The following COL13A1 variants were observed in gnomAD, a reference collection of about 807,000 sequenced individuals.
COL13A1 encodes collagen alpha-1(XIII) chain.
Under a neutral mutation model 130.9 loss-of-function variants are expected in COL13A1, and 89 were observed. The ratio of observed to expected loss-of-function variants is 0.68; its 90% CI spans 0.57 to 0.81. COL13A1 has a LOEUF of 0.81. COL13A1 is among the 30% of genes least tolerant of loss of function. The pLI, the probability that COL13A1 is intolerant of heterozygous loss-of-function variation, is 0.00. For missense variants in COL13A1, 879 were observed against 934.6 expected (o/e 0.94, Z 0.78); for synonymous variants, 402 against 341.6 (o/e 1.18, Z -1.95).
intron 2 of COL13A1, among the ~76,000 whole-genome samples, chr10:69,849,506 A>T (rs1854127141): frequency 6.6e-6 from 1 of 151,802 alleles, no homozygotes; most frequent in Non-Finnish European, 1.5e-5. Flanking sequence ...TTTTATTTTT[A>T]TTTATTTTTA....
At chr10:69,908,688 C>T (rs756901389) in intron 17 of COL13A1, among the ~76,000 whole-genome samples, 2 of 152,162 alleles carry the variant, frequency 1.3e-5, no homozygotes, top group Non-Finnish European at 2.9e-5. Flanking sequence ...CAATCCTAGA[C>T]TCAGATTGTA....
intron 10 of COL13A1, among the ~76,000 whole-genome samples, chr10:69,893,035 T>C (rs1463682798): frequency 1.3e-5 from 2 of 152,178 alleles, no homozygotes; most frequent in African/African-American, 2.4e-5. Flanking sequence ...GGATGAATCA[T>C]GTGCTGCAGA....
intron 3 of COL13A1, among the ~76,000 whole-genome samples, chr10:69,870,955 CAT>C (rs2059009991): frequency 1.3e-5 from 2 of 152,068 alleles, no homozygotes; most frequent in African/African-American, 4.8e-5. Context: ...AAGTTTCCCT[CAT>C]GTGTCCTCGT....
rs147168259 is a variant in COL13A1, at chr10:69,925,263, T to C, written c.1329+256T>C. 5.7e-3 allele frequency among the ~76,000 whole-genome samples: 872 copies of C among 152,284 alleles called. 3 individuals carry two copies. The highest frequency in any genetic ancestry group is 0.02 in the African/African-American group (845 of 41,552). On this transcript the variant is annotated intron_variant, in intron 25 of 40. Coordinates refer to ENST00000645393, the MANE Select transcript of COL13A1 (RefSeq NM_001368882.1). Reference sequence around the variant, plus strand: ...AAGGGAAAAGGAGCAAGTAGCGGAATAGTTGATTATGTATTAGTCTCACGC... The same window carrying C: ...AAGGGAAAAGGAGCAAGTAGCGGAACAGTTGATTATGTATTAGTCTCACGC...
intron 1 of COL13A1, among the ~76,000 whole-genome samples, chr10:69,805,034 T>G (rs1330257421): frequency 6.6e-6 from 1 of 151,952 alleles, no homozygotes; most frequent in Non-Finnish European, 1.5e-5. Flanking sequence ...CGGAACAGCC[T>G]TTGAGGCTGG....
chr10:69,909,674 G>A (rs1376190541), intron 17 of COL13A1, among the ~76,000 whole-genome samples: 1 of 152,160 alleles, frequency 6.6e-6, no homozygotes, highest in African/African-American at 2.4e-5. Context: ...TCCTTGGGAG[G>A]CTATAAATGC....
intron 17 of COL13A1, among the ~76,000 whole-genome samples, chr10:69,917,071 C>A (rs975674737): frequency 6.6e-6 from 1 of 152,158 alleles, no homozygotes; most frequent in Non-Finnish European, 1.5e-5. Flanking sequence ...TGTCTGGGGG[C>A]CTTTCCTGCT....
intron 2 of COL13A1, among the ~76,000 whole-genome samples, chr10:69,825,554 C>G (rs1236606735): frequency 1.3e-5 from 2 of 152,192 alleles, no homozygotes; most frequent in Non-Finnish European, 1.5e-5. Flanking sequence ...TCCCTCACCC[C>G]ACCCCAAATC....
chr10:69,917,186 C>A, intron 17 of COL13A1, 103 bp from the exon 18 acceptor site: 1 of 1,426,636 alleles, frequency 7.0e-7, no homozygotes, highest in Non-Finnish European at 9.7e-7. Flanking sequence ...ATGAACCGGA[C>A]AGCCATCCCA....
At chr10:69,847,474 C>A (rs1043172650) in intron 2 of COL13A1, among the ~76,000 whole-genome samples, 1 of 152,214 alleles carries the variant, frequency 6.6e-6, no homozygotes. Flanking sequence ...AGCACGAGTA[C>A]CCCTTCCTTC....
intron 2 of COL13A1, among the ~76,000 whole-genome samples, chr10:69,828,151 TG>T (rs1408065063): frequency 1.3e-5 from 2 of 152,188 alleles, no homozygotes; most frequent in Non-Finnish European, 2.9e-5. Flanking sequence ...GCAGATCCCC[TG>T]GGGCCAGCCT....
Position 69,921,917 on chromosome 10 carries a change from T to C in COL13A1, c.1125T>C (p.Pro375=). 1 of 1,606,822 alleles carries C rather than the reference T, an allele frequency of 6.2e-7. No homozygotes were observed. Among genetic ancestry groups the C allele is most frequent in the South Asian group, 1.1e-5 (1 of 88,978 alleles). ...EKGAEGSPGL[P]GLLGQKGEKG... is the part of the protein sequence containing the mutation. ...GGGCTGAAGGCTCCCCTGGGCTTCC[T>C]GGCCTCCTGGGGCAGAAGGTAGGTG... The change falls in exon 22 of 41, where the codon CCT becomes CCC. Residue 375 remains proline, a synonymous_variant. Transcript: ENST00000645393.
chr10:69,849,416 C>T (rs1437181344), intron 2 of COL13A1, among the ~76,000 whole-genome samples: 2 of 152,208 alleles, frequency 1.3e-5, no homozygotes, highest in African/African-American at 2.4e-5. Context: ...GCCCATGGTC[C>T]GCAGTCACCA....
chr10:69,921,469 CT>C (rs771482491), intron 21 of COL13A1, among the ~76,000 whole-genome samples: 5 of 152,194 alleles, frequency 3.3e-5, no homozygotes, highest in Non-Finnish European at 7.3e-5. Context: ...CCCTTAGTTG[CT>C]AAGCATTAAG....
intron 1 of COL13A1, among the ~76,000 whole-genome samples, chr10:69,810,191 G>T (rs535198574): frequency 6.6e-6 from 1 of 152,140 alleles, no homozygotes; most frequent in Non-Finnish European, 1.5e-5. Flanking sequence ...GGGTGATGCT[G>T]GTTGCATTAG....
Position 69,804,809 on chromosome 10 carries a change from C to CA in COL13A1, c.294+2125dup, listed in dbSNP as rs57098368. On this transcript the variant is annotated intron_variant, in intron 1 of 40. Transcript: ENST00000645393. The stretch of plus-strand genomic sequence containing the variant: ...AAATGGGCAGTGACCATGTCGTGTG[C>CA]AAAAAAAAAAAAAAAAAAAAAAAAA... Among the ~76,000 whole-genome samples the CA allele has an allele frequency of 2.2e-3, 165 of 75,382 alleles. 7 individuals are homozygous for CA. The highest frequency in any genetic ancestry group is 5.0e-3 in the African/African-American group (90 of 17,904). 49.5% of individuals were successfully genotyped at this position (75,382 alleles called of 152,430 possible).
In COL13A1 at chr10:69,905,793, C is replaced by A; in HGVS notation, c.892C>A (p.Pro298Thr). Reference protein sequence around the residue: ...LPGPPGPKGDPGIQGYHGRKG... With the variant: ...LPGPPGPKGDTGIQGYHGRKG... ...CTTCTCTTTGTTTTCCCAGGGAGAC[C>A]CAGGGATCCAGGGCTACCACGGCCG... Residue 298 changes from proline to threonine, a missense_variant, in exon 17 of 41, where the codon CCA becomes ACA. Transcript: ENST00000645393. 2 of 1,613,550 alleles carry A rather than the reference C, an allele frequency of 1.2e-6. No individual in the cohort carries two copies. The highest frequency in any genetic ancestry group is 2.2e-5 in the South Asian group (2 of 90,898).
intron 2 of COL13A1, among the ~76,000 whole-genome samples, chr10:69,835,394 A>G (rs929035906): frequency 1.5e-4 from 23 of 151,828 alleles, no homozygotes; most frequent in Admixed American, 8.5e-4. Context: ...TCCTGGACCC[A>G]CCCAGGCTGC....
At chr10:69,864,251 G>A (rs1280498307) in intron 2 of COL13A1, among the ~76,000 whole-genome samples, 4 of 152,110 alleles carry the variant, frequency 2.6e-5, no homozygotes, top group East Asian at 1.9e-4. Context: ...GACAAAGTGC[G>A]GTGTTATAGT....
Sources: gnomAD v4.1 joint callset for allele counts (sites outside exome capture counted in the v4.1 genomes callset) on GRCh38, gnomAD v4.1.1 for gene constraint, MANE v1.5 for transcripts, NCBI Gene and HGNC (gene_info 2026-07-23, HGNC 2026-07-21) for gene names.